The following TNS2 variants were observed in gnomAD, a reference collection of about 807,000 sequenced individuals.
The protein encoded by TNS2 is tensin 2, also known as tensin-2.
TNS2 carries 77 observed loss-of-function variants against 155.7 expected under a neutral mutation model. The observed-to-expected ratio is 0.49, with a 90% CI of 0.41 to 0.60. The LOEUF (loss-of-function observed/expected upper bound fraction) is 0.60, where lower values mean the gene tolerates loss of function less well. Among genes scored for constraint, TNS2 ranks in the 20% least tolerant of loss-of-function variants. TNS2 has a pLI of 0.00. For missense variants in TNS2, 1,703 were observed against 1,868.8 expected (o/e 0.91, Z 1.64); for synonymous variants, 726 against 763.9 (o/e 0.95, Z 0.82).
rs369863022 is a variant in TNS2, at chr12:53,062,141, G to A, written c.3575-12G>A. 372 of 1,613,680 alleles carry A rather than the reference G, an allele frequency of 2.3e-4. No homozygotes were observed. Among genetic ancestry groups the A allele is most frequent in the Non-Finnish European group, 2.8e-4 (336 of 1,179,872 alleles). On this transcript the variant is annotated splice_polypyrimidine_tract_variant and intron_variant, in intron 22 of 28. Transcript: ENST00000314250. ...ATCCTAAAGCCGCAATCTTCCCCTC[G>A]CCTCCTCTCAGGGGACCCCGTGGAA...
In TNS2 at chr12:53,050,154, C is replaced by T. The variant is rs768643743; in HGVS notation, c.-32C>T. 6.2e-7 allele frequency: 1 copy of T among 1,602,514 alleles called. No homozygotes were observed. The highest frequency in any genetic ancestry group is 8.5e-7 in the Non-Finnish European group (1 of 1,175,936). On this transcript the variant is annotated 5_prime_UTR_variant, in exon 1 of 29. Transcript: ENST00000314250. This position sits in a 1 kb window ranked among gnomAD's most constrained non-coding sequence, Gnocchi z 4.7. Reference sequence around the variant, plus strand: ...GGCCAGGCCCCAGCATTGTTCAGGCCCTGGGGCCAGCACCCCAGCCAGCCG... The same window carrying T: ...GGCCAGGCCCCAGCATTGTTCAGGCTCTGGGGCCAGCACCCCAGCCAGCCG...
Position 53,052,263 on chromosome 12 carries a change from G to C in TNS2, c.185-192G>C. On this transcript the variant is annotated intron_variant, in intron 2 of 28. Coordinates refer to ENST00000314250, the MANE Select transcript of TNS2 (RefSeq NM_170754.4). ...CACCCTGGAACGTTACCCCTGGCCT[G>C]GGCAGTAGTACCCCACTGCCACACT... The C allele has an allele frequency of 7.1e-6, 5 of 706,732 alleles. 1 individual carries two copies. In the South Asian group the frequency reaches 8.7e-5, roughly 12 times the overall value. The allele number at this position is 706,732 out of a possible 1,614,324, so 43.8% of individuals were successfully genotyped here. A position where few individuals can be genotyped will look rare whatever the true frequency, so the allele number is the denominator to read the frequency against.
chr12:53,060,751 G>A lies in TNS2; in HGVS notation c.2845G>A (p.Val949Ile). The A allele has an allele frequency of 1.9e-6, 3 of 1,611,506 alleles. No individual in the cohort carries two copies. Among genetic ancestry groups the A allele is most frequent in the East Asian group, 2.2e-5 (1 of 44,844 alleles). ...RLSPGEALPPVSQAGTGKAPE... is the reference protein window; with the variant it reads ...RLSPGEALPPISQAGTGKAPE... Reference sequence around the variant, plus strand: ...GAGTCCTGGCGAGGCCTTGCCCCCTGTTTCCCAGGCAGGCACCGGAAAGGC... The same window carrying A: ...GAGTCCTGGCGAGGCCTTGCCCCCTATTTCCCAGGCAGGCACCGGAAAGGC... Residue 949 changes from valine to isoleucine, a missense_variant, in exon 20 of 29, where the codon GTT (valine) becomes ATT (isoleucine). Coordinates refer to ENST00000314250, the MANE Select transcript of TNS2 (RefSeq NM_170754.4). This position sits in a 1 kb window ranked among gnomAD's most constrained non-coding sequence, Gnocchi z 6.1.
intron 10 of TNS2, 102 bp downstream of exon 10, chr12:53,055,947 TC>T: frequency 3.2e-6 from 4 of 1,244,032 alleles, no homozygotes; most frequent in Non-Finnish European, 4.5e-6. Flanking sequence ...TCGTTGAGAG[TC>T]CTTTGCTGTC....
rs139607045 is a variant in TNS2, at chr12:53,057,613, A to G, written c.892A>G (p.Asn298Asp). 5.0e-6 allele frequency: 8 copies of G among 1,613,972 alleles called. No homozygotes were observed. Among genetic ancestry groups the G allele is most frequent in the Non-Finnish European group, 5.9e-6 (7 of 1,179,892 alleles). The change falls in exon 12 of 29, where the codon AAC becomes GAC. Residue 298 changes from asparagine to aspartate, a missense_variant. By Grantham distance (23) the Asn-to-Asp change is conservative (BLOSUM62 1). Coordinates refer to ENST00000314250, the MANE Select transcript of TNS2 (RefSeq NM_170754.4). ...GCTGCTATCTGGCTCCATCAGAATG[A>G]ACAGCAGCCCTCTCTTCCTGCACTA... ...SGLLSGSIRM[N>D]SSPLFLHYVL...
chr12:53,060,530 A>T lies in TNS2; in HGVS notation c.2743A>T (p.Ser915Cys). ...LSGPSTPLHT[S>C]SPVQGKESTR... ...TGGTCCCTCCACGCCCCTGCACACC[A>T]GCAGTCCAGTCCAGGGCAAGGAAAG... is the stretch of plus-strand genomic sequence containing the variant. The change falls in exon 19 of 29, where the codon AGC becomes TGC. Residue 915 changes from serine (S) to cysteine (C), a missense_variant. Transcript: ENST00000314250. The surrounding 1 kb of genome is among the most constrained non-coding windows in gnomAD (Gnocchi z 6.1). The T allele has an allele frequency of 1.9e-6, 3 of 1,613,700 alleles. No individual in the cohort carries two copies. The highest frequency in any genetic ancestry group is 2.5e-6 in the Non-Finnish European group (3 of 1,179,972).
chr12:53,060,195 G>A lies in TNS2; in HGVS notation c.2554G>A (p.Glu852Lys). The change falls in exon 18 of 29, where the codon GAG (glutamate) becomes AAG (lysine). Residue 852 changes from glutamate (E) to lysine (K), a missense_variant. Physicochemically the swap from Glu to Lys is moderately conservative, Grantham distance 56 (BLOSUM62 1). Transcript: ENST00000314250. This position sits in a 1 kb window ranked among gnomAD's most constrained non-coding sequence, Gnocchi z 6.1. ...GCTGAGCTACGAGATCCCTACGGAG[G>A]AGGGAGGGGACAGGTACCCATTGCC... ...RKLSYEIPTE[E>K]GGDRYPLPGH... 2 of 1,586,864 alleles carry A rather than the reference G, an allele frequency of 1.3e-6. No homozygotes were observed. The highest frequency in any genetic ancestry group is 1.7e-6 in the Non-Finnish European group (2 of 1,165,846).
rs770163192 is a variant in TNS2 at position 53,063,258 on chromosome 12, G to T, written c.3992+1G>T. 4 of 1,613,528 alleles carry T rather than the reference G, an allele frequency of 2.5e-6. No homozygotes were observed. In the Admixed American group the frequency reaches 6.7e-5, roughly 27 times the overall value. On this transcript the variant is annotated splice_donor_variant, in intron 26 of 28. Coordinates refer to ENST00000314250, the MANE Select transcript of TNS2 (RefSeq NM_170754.4). LOFTEE classifies it high-confidence loss of function. This position sits in a 1 kb window ranked among gnomAD's most constrained non-coding sequence, Gnocchi z 5.6. ...TTACACTGACGGACAACCAAAGGAAGTATGTATACTCAGCCCTGTAGAACC... is the reference window on the plus strand; with the variant it reads ...TTACACTGACGGACAACCAAAGGAATTATGTATACTCAGCCCTGTAGAACC...
At chr12:53,055,382 A>G (rs1944111320) in intron 8 of TNS2, 146 bp downstream of exon 8, 1 of 1,152,214 alleles carries the variant, frequency 8.7e-7, no homozygotes, top group Non-Finnish European at 1.2e-6. Context: ...TACTGGAGAC[A>G]CCCCAAAACG....
chr12:53,049,270 T>G, upstream of TNS2: 1 of 1,596,472 alleles, frequency 6.3e-7, no homozygotes, highest in Non-Finnish European at 8.5e-7. Context: ...GCTTCGGGGT[T>G]GCCGCGGGGG....
Position 53,050,286 on chromosome 12 carries a change from AAG to A in TNS2, c.75+29_75+30del, listed in dbSNP as rs1943883070. 1.3e-6 allele frequency: 2 copies of A among 1,586,344 alleles called. No homozygotes were observed. The highest frequency in any genetic ancestry group is 1.8e-5 in the Admixed American group (1 of 56,058). ...GTAGGAGTGCCCACCAGCTGGGCAA[AAG>A]AGGGGCAGGGGTGGAGGTGCGGGCA... On this transcript the variant is annotated intron_variant, in intron 1 of 28. Coordinates refer to ENST00000314250, the MANE Select transcript of TNS2 (RefSeq NM_170754.4). The surrounding 1 kb of genome is among the most constrained non-coding windows in gnomAD (Gnocchi z 4.7).
intron 1 of TNS2, 58 bp from the exon 2 acceptor site, chr12:53,051,797 C>G: frequency 7.3e-7 from 1 of 1,378,374 alleles, no homozygotes; most frequent in Non-Finnish European, 1.0e-6. Context: ...TGCCCAGTCC[C>G]GGAGATGGAG....
chr12:53,059,927 G>A lies in TNS2; in HGVS notation c.2286G>A (p.Glu762=), dbSNP rs1446311657. The A allele has an allele frequency of 6.2e-7, 1 of 1,611,124 alleles. No individual in the cohort carries two copies. The highest frequency in any genetic ancestry group is 1.7e-4 in the Middle Eastern group (1 of 6,054). Residue 762 remains glutamate (E), a synonymous_variant, in exon 18 of 29, where the codon GAG becomes GAA. Transcript: ENST00000314250. The surrounding 1 kb of genome is among the most constrained non-coding windows in gnomAD (Gnocchi z 4.7). ...YSCLKPPKAG[E]EGHEGCSYTM... ...GCCTGAAGCCACCCAAGGCAGGCGA[G>A]GAAGGGCACGAGGGCTGCTCCTACA... is the stretch of plus-strand genomic sequence containing the variant.
At chr12:53,053,217 AGT>A (rs1360624693) in intron 3 of TNS2, 192 bp from the exon 4 acceptor site, 2 of 512,530 alleles carry the variant, frequency 3.9e-6, no homozygotes, top group South Asian at 3.6e-5. Context: ...AAGAGCAACA[AGT>A]GGGGGGCCTG....
upstream of TNS2, among the ~76,000 whole-genome samples, chr12:53,049,558 T>C (rs981316559): frequency 6.6e-6 from 1 of 152,084 alleles, no homozygotes; most frequent in African/African-American, 2.4e-5. Flanking sequence ...TGCTTTCCTT[T>C]TCCTACTTCA....
chr12:53,063,079 G>T lies in TNS2; in HGVS notation c.3824-10G>T. On this transcript the variant is annotated splice_polypyrimidine_tract_variant and intron_variant, in intron 25 of 28. Transcript: ENST00000314250. The surrounding 1 kb of genome is among the most constrained non-coding windows in gnomAD (Gnocchi z 5.6). ...GCACTCCCTCCCTGACCCACTCCCT[G>T]CCCCTGTAGCCTGCAGCGTGCTCTA... The T allele has an allele frequency of 6.6e-7, 1 of 1,522,090 alleles. No homozygotes were observed. Among genetic ancestry groups the T allele is most frequent in the Non-Finnish European group, 8.8e-7 (1 of 1,137,904 alleles). The allele number at this position is 1,522,090 out of a possible 1,614,324, so 94.3% of individuals were successfully genotyped here. A position where few individuals can be genotyped will look rare whatever the true frequency, so the allele number is the denominator to read the frequency against.
Position 53,062,615 on chromosome 12 carries a change from C to T in TNS2, c.3746-5C>T. 1 of 1,613,900 alleles carries T rather than the reference C, an allele frequency of 6.2e-7. No homozygotes were observed. Among genetic ancestry groups the T allele is most frequent in the Non-Finnish European group, 8.5e-7 (1 of 1,179,870 alleles). ...AGCTTCCCTGTCGGTTCTCATTGCC[C>T]TCAGATCCTCTGGAAGAGACCCCAG... On this transcript the variant is annotated splice_polypyrimidine_tract_variant and splice_region_variant and intron_variant, in intron 24 of 28. Transcript: ENST00000314250.
In TNS2 at chr12:53,061,191, A is replaced by G. The variant is rs545398359; in HGVS notation, c.3285A>G (p.Ser1095=). The G allele has an allele frequency of 8.8e-6, 14 of 1,586,602 alleles. No homozygotes were observed. The highest frequency in any genetic ancestry group is 1.4e-5 in the African/African-American group (1 of 74,020). The change falls in exon 20 of 29, where the codon TCA becomes TCG. Residue 1095 remains serine, a synonymous_variant. Coordinates refer to ENST00000314250, the MANE Select transcript of TNS2 (RefSeq NM_170754.4). ...QPGPWGPEQA[S]SPARGISHHV... The stretch of plus-strand genomic sequence containing the variant: ...GACCCTGGGGCCCAGAGCAGGCATC[A>G]TCGCCAGCCAGAGGCATCAGTCACC...
intron 6 of TNS2, 97 bp from the exon 7 acceptor site, chr12:53,054,173 C>G (rs901068362): frequency 6.3e-7 from 1 of 1,586,582 alleles, no homozygotes; most frequent in African/African-American, 1.3e-5. Context: ...CAGGACCCAG[C>G]AGGCTTCACC....
Sources: allele counts gnomAD v4.1 joint callset (sites outside exome capture counted in the v4.1 genomes callset), GRCh38; gene constraint gnomAD v4.1.1; non-coding constraint Gnocchi (gnomAD v3.1); transcripts MANE v1.5; gene names NCBI Gene and HGNC (gene_info 2026-07-23, HGNC 2026-07-21).